Variants in STIP1 observed in about 807,000 individuals in gnomAD.
STIP1 encodes stress induced phosphoprotein 1.
In STIP1, 16 loss-of-function variants were observed where a neutral mutation model predicts 77.4. That is an observed-to-expected ratio of 0.21 (90% CI 0.14 to 0.31). The LOEUF (loss-of-function observed/expected upper bound fraction) is 0.31, where lower values mean the gene tolerates loss of function less well. STIP1 is among the 10% of genes least tolerant of loss of function. The pLI is 1.00. For missense variants in STIP1, 524 were observed against 684.8 expected (o/e 0.77, Z 2.62); for synonymous variants, 258 against 246.6 (o/e 1.05, Z -0.44).
At chr11:64,188,518 G>C (rs1390875242) in intron 1 of STIP1, among the ~76,000 whole-genome samples, 1 of 152,068 alleles carries the variant, frequency 6.6e-6, no homozygotes, top group East Asian at 1.9e-4. Context: ...CTCCTGAGTA[G>C]CTGGGCACAC....
chr11:64,204,099 G>A lies in STIP1; in HGVS notation c.1605G>A (p.Met535Ile), dbSNP rs1292414246. ...PVIAQKIQKL[M>I]DVGLIAIR is the part of the protein sequence containing the mutation. ...TAGCACAGAAGATCCAGAAGCTGAT[G>A]GATGTGGGTCTGATTGCAATTCGGT... Residue 535 changes from methionine (M) to isoleucine (I), a missense_variant, in exon 14 of 14, where the codon ATG becomes ATA. Met to Ile is a conservative substitution (Grantham distance 10). Transcript: ENST00000305218. 6.2e-7 allele frequency: 1 copy of A among 1,614,218 alleles called. No individual in the cohort carries two copies. The highest frequency in any genetic ancestry group is 1.1e-5 in the South Asian group (1 of 91,084).
chr11:64,185,462 G>A (rs1945998597), upstream of STIP1: 1 of 293,814 alleles, frequency 3.4e-6, no homozygotes, highest in Non-Finnish European at 6.5e-6. Flanking sequence ...CCAGGAGGCA[G>A]GAGGGCCGGG....
intron 1 of STIP1, 24 bp downstream of exon 1, chr11:64,186,294 G>C (rs1311634562): frequency 3.4e-6 from 5 of 1,488,308 alleles, no homozygotes; most frequent in Non-Finnish European, 4.5e-6. Flanking sequence ...GGCGGGCTGA[G>C]GCCCCGAGCC....
intron 4 of STIP1, among the ~76,000 whole-genome samples, chr11:64,195,158 G>A (rs999342530): frequency 5.3e-5 from 8 of 151,960 alleles, no homozygotes; most frequent in Admixed American, 1.3e-4. Flanking sequence ...CTGTCCCCTA[G>A]GCTGGAGTGC....
intron 8 of STIP1, among the ~76,000 whole-genome samples, chr11:64,198,753 G>GTTTTTTTTTTTTTTTTTTTTTTTTTTT (rs371481270): frequency 9.0e-6 from 1 of 111,060 alleles, no homozygotes; most frequent in Non-Finnish European, 1.8e-5. Context: ...TTTTTTTGTG[G>GTTTTTTTTTTTTTTTTTTTTTTTTTTT]TTTTTTTTTT....
At chr11:64,199,352 A>C (rs1033704804) in intron 8 of STIP1, among the ~76,000 whole-genome samples, 1 of 150,266 alleles carries the variant, frequency 6.7e-6, no homozygotes, top group African/African-American at 2.4e-5. Flanking sequence ...AATAAATAAA[A>C]AAAATTAGCC....
At chr11:64,186,389 C>G (rs1591000740) in intron 1 of STIP1, 119 bp downstream of exon 1, 32 of 181,626 alleles carry the variant, frequency 1.8e-4, no homozygotes, top group Non-Finnish European at 1.7e-4. Flanking sequence ...GCGCTGGGGC[C>G]GGACGGGGCG....
At chr11:64,185,765 CAA>C (rs1210814357), upstream of STIP1, 1 of 1,528,448 alleles carries the variant, frequency 6.5e-7, no homozygotes, top group Admixed American at 2.0e-5. Flanking sequence ...CCAATCAGCG[CAA>C]AGAGTTGGCA....
chr11:64,187,580 A>C (rs1226008186), intron 1 of STIP1, among the ~76,000 whole-genome samples: 6 of 152,216 alleles, frequency 3.9e-5, no homozygotes, highest in Admixed American at 3.9e-4. Flanking sequence ...CTGTATTAAA[A>C]AGAGTGGAAA....
intron 4 of STIP1, among the ~76,000 whole-genome samples, chr11:64,194,926 C>T (rs1236149394): frequency 6.6e-6 from 1 of 152,098 alleles, no homozygotes; most frequent in Non-Finnish European, 1.5e-5. Context: ...GTTGGTATAT[C>T]AGAGTGGAAA....
Position 64,199,929 on chromosome 11 carries a change from AT to A in STIP1, c.1024-10del. On this transcript the variant is annotated splice_polypyrimidine_tract_variant and intron_variant, in intron 8 of 13. Coordinates refer to ENST00000305218, the MANE Select transcript of STIP1 (RefSeq NM_006819.3). The stretch of plus-strand genomic sequence containing the variant: ...CGTTTAAATTATTATTTCAAGAATT[AT>A]GTTTTGTAGGCAGAGAAAATCCTGA... 6.2e-7 allele frequency: 1 copy of A among 1,613,950 alleles called. No individual in the cohort carries two copies. Among genetic ancestry groups the A allele is most frequent in the Non-Finnish European group, 8.5e-7 (1 of 1,179,938 alleles).
chr11:64,193,805 C>T (rs553631206), intron 2 of STIP1, among the ~76,000 whole-genome samples: 23 of 151,978 alleles, frequency 1.5e-4, no homozygotes, highest in African/African-American at 4.6e-4. Context: ...GGAAGAGGCC[C>T]GGTACAGTGG....
At position 64,188,362 on chromosome 11, in the gene STIP1, AAAG is replaced by A. The variant is rs200711631; in HGVS notation, c.9+2095_9+2097del. Among the ~76,000 whole-genome samples the A allele has an allele frequency of 8.5e-3, 1,294 of 151,932 alleles. 9 individuals are homozygous for A. The highest frequency in any genetic ancestry group is 0.012 in the Non-Finnish European group (827 of 67,926). On this transcript the variant is annotated intron_variant, in intron 1 of 13. Coordinates refer to ENST00000305218, the MANE Select transcript of STIP1 (RefSeq NM_006819.3). ...CCATCTCAAAAAAAAAAAAAAAAGA[AAAG>A]AAACGATTTCTGTTACCAAATTTAT...
intron 10 of STIP1, among the ~76,000 whole-genome samples, chr11:64,201,179 A>G (rs930902894): frequency 2.6e-5 from 4 of 152,052 alleles, no homozygotes; most frequent in Non-Finnish European, 4.4e-5. Context: ...AGCTGGGACT[A>G]CAGGTGTGCA....
In STIP1 at chr11:64,193,058, G is replaced by A. The variant is rs1353096147; in HGVS notation, c.10-20G>A. 2 of 1,612,524 alleles carry A rather than the reference G, an allele frequency of 1.2e-6. No individual in the cohort carries two copies. Among genetic ancestry groups the A allele is most frequent in the African/African-American group, 2.7e-5 (2 of 74,900 alleles). ...TAAATGGGCACATCATAGAGAAGCT[G>A]TGTGTTCCTTTCCCCTCAGGTCAAT... On this transcript the variant is annotated intron_variant, in intron 1 of 13. Transcript: ENST00000305218.
intron 1 of STIP1, among the ~76,000 whole-genome samples, chr11:64,187,340 C>G (rs1946034772): frequency 6.6e-6 from 1 of 152,038 alleles, no homozygotes; most frequent in Non-Finnish European, 1.5e-5. Context: ...CTCGGGAGTA[C>G]TACTGTCTTC....
At chr11:64,185,921 C>A (rs1443033443), upstream of STIP1, 1 of 1,536,276 alleles carries the variant, frequency 6.5e-7, no homozygotes, top group Non-Finnish European at 8.7e-7. Flanking sequence ...GTGCAAAAGA[C>A]CAATCCGTGT....
chr11:64,200,389 C>G, intron 10 of STIP1, 96 bp downstream of exon 10: 2 of 1,510,360 alleles, frequency 1.3e-6, no homozygotes, highest in Non-Finnish European at 1.8e-6. Context: ...TGATGATGAT[C>G]ATGATGTTTG....
At chr11:64,200,066 G>A in intron 9 of STIP1, 30 bp downstream of exon 9, 1 of 1,614,194 alleles carries the variant, frequency 6.2e-7, no homozygotes, top group Non-Finnish European at 8.5e-7. Flanking sequence ...GATTGGGGGA[G>A]CAGTGCTGGG....
Sources: gnomAD v4.1 joint callset for allele counts (sites outside exome capture counted in the v4.1 genomes callset) on GRCh38, gnomAD v4.1.1 for gene constraint, MANE v1.5 for transcripts, NCBI Gene and HGNC (gene_info 2026-07-23, HGNC 2026-07-21) for gene names.